Variants in PTPRD observed in about 807,000 individuals in gnomAD.
PTPRD encodes the protein receptor-type tyrosine-protein phosphatase delta.
A neutral mutation model predicts 214.5 loss-of-function variants in PTPRD; 34 were observed. The observed-to-expected ratio is 0.16, with a 90% CI of 0.12 to 0.21. The LOEUF (loss-of-function observed/expected upper bound fraction) is 0.21. Among genes scored for constraint, PTPRD ranks in the 10% least tolerant of loss-of-function variants. PTPRD has a pLI of 1.00. For synonymous variants in PTPRD, 1,128 were observed against 845.7 expected, an observed-to-expected ratio of 1.33 and a Z score of -5.79; for missense variants, 2,545 against 2,398.7, an observed-to-expected ratio of 1.06 and a Z score of -1.27.
chr9:8,529,596 C>A (rs779667347), intron 14 of PTPRD, among the ~76,000 whole-genome samples: 6 of 152,084 alleles, frequency 3.9e-5, no homozygotes, highest in Admixed American at 1.3e-4. Context: ...CTACCCACAT[C>A]GAAACTGTTC....
chr9:8,750,209 G>C (rs1357103717), intron 11 of PTPRD, among the ~76,000 whole-genome samples: 2 of 152,112 alleles, frequency 1.3e-5, no homozygotes, highest in Non-Finnish European at 2.9e-5. Context: ...CGAGGCTGGA[G>C]TGCCTTGGCA....
chr9:8,655,739 C>CTT (rs150786854), intron 12 of PTPRD, among the ~76,000 whole-genome samples: 8 of 143,120 alleles, frequency 5.6e-5, no homozygotes, highest in African/African-American at 1.0e-4. Flanking sequence ...TTCCCACTTG[C>CTT]TTTTTTTTTT....
At chr9:9,011,180 G>C (rs7029466) in intron 11 of PTPRD, among the ~76,000 whole-genome samples, 31,460 of 151,930 alleles carry the variant, frequency 0.21, 3,604 homozygotes, top group East Asian at 0.3. Flanking sequence ...ATACAAAAGT[G>C]GGGGGAGTCT....
At chr9:8,447,903 C>T (rs1249803594) in intron 34 of PTPRD, among the ~76,000 whole-genome samples, 2 of 152,130 alleles carry the variant, frequency 1.3e-5, no homozygotes, top group South Asian at 2.1e-4. Flanking sequence ...ACATGTTGCT[C>T]TTTTACAGGG....
At chr9:8,971,457 T>G (rs185845139) in intron 11 of PTPRD, among the ~76,000 whole-genome samples, 44 of 151,958 alleles carry the variant, frequency 2.9e-4, no homozygotes, top group African/African-American at 1.1e-3. Context: ...GTATTTCATT[T>G]TCTTTATCTG....
chr9:9,334,897 C>T (rs555617627), intron 9 of PTPRD, among the ~76,000 whole-genome samples: 7 of 151,854 alleles, frequency 4.6e-5, no homozygotes, highest in Admixed American at 2.0e-4. Context: ...CCAATATGAG[C>T]ATATAATTCA....
chr9:10,323,273 C>G (rs1453770219), intron 3 of PTPRD, among the ~76,000 whole-genome samples: 1 of 58,602 alleles, frequency 1.7e-5, no homozygotes, highest in African/African-American at 6.9e-5. Context: ...CCCTCCCCTC[C>G]CCTCCCCTCT....
chr9:8,772,090 T>G (rs2095251543), intron 11 of PTPRD, among the ~76,000 whole-genome samples: 1 of 152,072 alleles, frequency 6.6e-6, no homozygotes, highest in Admixed American at 6.6e-5. Flanking sequence ...ACCTACTATG[T>G]GCCCACAAAA....
At chr9:9,536,275 G>A (rs1419173274) in intron 8 of PTPRD, among the ~76,000 whole-genome samples, 1 of 151,886 alleles carries the variant, frequency 6.6e-6, no homozygotes. Flanking sequence ...CTCAGTGCTT[G>A]GCTAAAGATT....
intron 9 of PTPRD, among the ~76,000 whole-genome samples, chr9:9,201,513 T>A (rs1296020823): frequency 6.6e-6 from 1 of 152,078 alleles, no homozygotes; most frequent in African/African-American, 2.4e-5. Context: ...TAGGATAGGA[T>A]AGGACATACA....
At chr9:10,482,327 C>T (rs1025962106) in intron 2 of PTPRD, among the ~76,000 whole-genome samples, 57 of 151,934 alleles carry the variant, frequency 3.8e-4, no homozygotes, top group Non-Finnish European at 6.0e-4. Context: ...GCCGAGATGG[C>T]GCCACTGCAC....
At chr9:8,913,082 T>C (rs772669112) in intron 11 of PTPRD, among the ~76,000 whole-genome samples, 3 of 152,160 alleles carry the variant, frequency 2.0e-5, no homozygotes, top group Admixed American at 1.3e-4. Context: ...ATATCACCTT[T>C]GTAATTCTCT....
At chr9:8,870,714 A>ACACACACACACACACACACACACACACG (rs1555457922) in intron 11 of PTPRD, among the ~76,000 whole-genome samples, 2 of 149,976 alleles carry the variant, frequency 1.3e-5, no homozygotes, top group Non-Finnish European at 3.0e-5. Context: ...ACACACACAC[A>ACACACACACACACACACACACACACACG]CACACACACA....
intron 11 of PTPRD, among the ~76,000 whole-genome samples, chr9:8,940,945 T>C (rs1004570469): frequency 3.9e-5 from 6 of 152,094 alleles, no homozygotes; most frequent in Non-Finnish European, 7.3e-5. Context: ...TTAAAAGACT[T>C]AGTTCAAAGC....
intron 9 of PTPRD, among the ~76,000 whole-genome samples, chr9:9,239,843 T>A (rs911439443): frequency 3.3e-5 from 5 of 152,140 alleles, no homozygotes; most frequent in Non-Finnish European, 7.3e-5. Flanking sequence ...GCTCTATCCC[T>A]GGTATGTGGG....
intron 2 of PTPRD, among the ~76,000 whole-genome samples, chr9:10,348,289 C>T (rs977845181): frequency 1.3e-5 from 2 of 152,086 alleles, no homozygotes; most frequent in African/African-American, 4.8e-5. Context: ...TCACCTATGC[C>T]AATGATCTAC....
chr9:9,434,890 T>C (rs1362585267), intron 8 of PTPRD, among the ~76,000 whole-genome samples: 3 of 148,636 alleles, frequency 2.0e-5, no homozygotes, highest in Non-Finnish European at 4.5e-5. Context: ...ATATATTATA[T>C]AATATTCTTA....
rs117115836 is a variant in PTPRD, at chr9:9,027,185, C to T, written c.-142-8450G>A. ...TTTACTACCTTCCCTCTCTGTTTTT[C>T]CAGGTGGATTTTCCAAATGTAACGA... On this transcript the variant is annotated intron_variant, in intron 10 of 45. Transcript: ENST00000381196. Among the ~76,000 whole-genome samples the T allele has an allele frequency of 3.5e-3, 535 of 151,764 alleles. 1 individual carries two copies. The highest frequency in any genetic ancestry group is 0.02 in the Admixed American group (307 of 15,164).
intron 32 of PTPRD, among the ~76,000 whole-genome samples, chr9:8,461,091 C>T (rs1440389875): frequency 1.3e-5 from 2 of 151,978 alleles, no homozygotes; most frequent in Admixed American, 6.6e-5. Context: ...TACTACTGTG[C>T]TTCTTAGTGC....
Sources: allele counts gnomAD v4.1 joint callset (sites outside exome capture counted in the v4.1 genomes callset), GRCh38; gene constraint gnomAD v4.1.1; transcripts MANE v1.5; gene names NCBI Gene and HGNC (gene_info 2026-07-23, HGNC 2026-07-21).